MGAT4C: variants seen among roughly 807,000 people sequenced by gnomAD.
MGAT4C encodes the protein alpha-1,3-mannosyl-glycoprotein 4-beta-N-acetylglucosaminyltransferase C.
In MGAT4C, 19 loss-of-function variants were observed where a neutral mutation model predicts 40.1. The ratio of observed to expected loss-of-function variants is 0.47; its 90% confidence interval spans 0.33 to 0.70. The LOEUF (loss-of-function observed/expected upper bound fraction) is 0.70, where lower values mean the gene tolerates loss of function less well. Among genes scored for constraint, MGAT4C ranks in the 30% least tolerant of loss-of-function variants. The pLI, the probability that MGAT4C is intolerant of heterozygous loss-of-function variation, is 0.02. For missense variants in MGAT4C, 491 were observed against 563.2 expected (o/e 0.87, Z 1.30); for synonymous variants, 181 against 187.1 (o/e 0.97, Z 0.27).
At chr12:86,269,834 A>T (rs914454778) in intron 4 of MGAT4C, among the ~76,000 whole-genome samples, 1 of 152,136 alleles carries the variant, frequency 6.6e-6, no homozygotes, top group Non-Finnish European at 1.5e-5. Flanking sequence ...CTGGTTCCCA[A>T]TCTCCTTGAA....
chr12:86,338,324 T>C lies in MGAT4C; in HGVS notation c.-119-4197A>G, dbSNP rs572336355. On this transcript the variant is annotated intron_variant, in intron 3 of 7. Transcript: ENST00000548651. ...AGATGAGCCAGTTTATCAATCTGGG[T>C]GGTTCCAGCTGATACATCAAGTGCA... Among the ~76,000 whole-genome samples the C allele has an allele frequency of 2.6e-5, 4 of 152,160 alleles. No individual in the cohort carries two copies. In the East Asian group the frequency reaches 7.8e-4, roughly 30 times the overall value.
chr12:86,376,218 CAAAAAAAAA>C (rs1166300466), intron 3 of MGAT4C, among the ~76,000 whole-genome samples: 1 of 50,760 alleles, frequency 2.0e-5, no homozygotes, highest in Non-Finnish European at 3.9e-5. Flanking sequence ...TAACACATGT[CAAAAAAAAA>C]AAAAAAAAAA....
intron 3 of MGAT4C, among the ~76,000 whole-genome samples, chr12:86,351,257 G>C (rs1249886049): frequency 1.3e-5 from 2 of 151,792 alleles, no homozygotes; most frequent in Non-Finnish European, 2.9e-5. Flanking sequence ...AAGACATTTT[G>C]TTTAATAATG....
At chr12:86,408,528 GT>G (rs1565740586) in intron 3 of MGAT4C, among the ~76,000 whole-genome samples, 1 of 112,482 alleles carries the variant, frequency 8.9e-6, no homozygotes, top group African/African-American at 3.5e-5. Context: ...TGCATATTGG[GT>G]ACTTTTTAAC....
At chr12:86,430,716 T>C (rs1957020235) in intron 3 of MGAT4C, among the ~76,000 whole-genome samples, 1 of 152,042 alleles carries the variant, frequency 6.6e-6, no homozygotes, top group Admixed American at 6.6e-5. Flanking sequence ...TTAGGTGGAG[T>C]CATTACTCTG....
chr12:86,514,602 C>T (rs1958651505), intron 2 of MGAT4C, among the ~76,000 whole-genome samples: 1 of 152,206 alleles, frequency 6.6e-6, no homozygotes, highest in African/African-American at 2.4e-5. Context: ...CTAAATCTCT[C>T]TGACTCTCTA....
At chr12:86,125,979 T>C (rs1880183990) in intron 1 of MGAT4C, among the ~76,000 whole-genome samples, 1 of 151,546 alleles carries the variant, frequency 6.6e-6, no homozygotes, top group Non-Finnish European at 1.5e-5. Context: ...GAAAATCAAG[T>C]TAAAAATCAG....
rs1259194515 is a variant in MGAT4C, at chr12:85,970,710, T to C, written c.*8579A>G. On this transcript the variant is annotated 3_prime_UTR_variant, in exon 5 of 5. Coordinates refer to ENST00000611864, the MANE Select transcript of MGAT4C (RefSeq NM_001351288.2). ...TGCTTGTACAATTCAGATATTATTT[T>C]GCTTTGAAGTCAAATAGAGGAACCT... 1 of 151,330 alleles carries C rather than the reference T, an allele frequency of 6.6e-6. No individual in the cohort carries two copies. The highest frequency in any genetic ancestry group is 1.5e-5 in the Non-Finnish European group (1 of 67,386). 9.4% of individuals were successfully genotyped at this position (151,330 alleles called of 1,614,324 possible). A position where few individuals can be genotyped will look rare whatever the true frequency, so the allele number is the denominator to read the frequency against.
At position 86,554,125 on chromosome 12, in the gene MGAT4C, CACAT is replaced by C. The variant is rs1247361120; in HGVS notation, c.-228-118864_-228-118861del. Among the ~76,000 whole-genome samples the C allele has an allele frequency of 3.8e-4, 15 of 39,608 alleles. No individual in the cohort carries two copies. The East Asian group carries it at 3.8e-3, about 10-fold the overall frequency. 26.0% of individuals were successfully genotyped at this position (39,608 alleles called of 152,430 possible). On this transcript the variant is annotated intron_variant, in intron 2 of 7. Coordinates refer to the MGAT4C transcript ENST00000548651. ...AAAACACACAGCACGTAAACACATA[CACAT>C]ACATACACACACACACACACACACA...
At chr12:86,596,260 T>G (rs947138594) in intron 2 of MGAT4C, among the ~76,000 whole-genome samples, 2 of 152,186 alleles carry the variant, frequency 1.3e-5, no homozygotes, top group African/African-American at 4.8e-5. Flanking sequence ...TCATGAATGT[T>G]GACACCAGTA....
intron 2 of MGAT4C, among the ~76,000 whole-genome samples, chr12:86,489,369 C>T (rs773379634): frequency 2.4e-4 from 36 of 152,130 alleles, no homozygotes; most frequent in Non-Finnish European, 3.4e-4. Context: ...TCTGGACATG[C>T]GACCTCTGAG....
chr12:85,966,934 T>A lies in MGAT4C; in HGVS notation c.*12355A>T, dbSNP rs1183259843. 6.6e-6 allele frequency: 1 copy of A among 151,644 alleles called. No homozygotes were observed. The highest frequency in any genetic ancestry group is 2.1e-4 in the South Asian group (1 of 4,788). 9.4% of individuals were successfully genotyped at this position (151,644 alleles called of 1,614,324 possible). A position where few individuals can be genotyped will look rare whatever the true frequency, so the allele number is the denominator to read the frequency against. ...GGGGGAGGGATAGCATTAGGAGATA[T>A]ACCTAATGTTAAATGACGAGTTAAT... On this transcript the variant is annotated 3_prime_UTR_variant, in exon 5 of 5. Coordinates refer to ENST00000611864, the MANE Select transcript of MGAT4C (RefSeq NM_001351288.2).
chr12:86,377,422 G>A (rs947114156), intron 3 of MGAT4C, among the ~76,000 whole-genome samples: 3 of 152,064 alleles, frequency 2.0e-5, no homozygotes, highest in Non-Finnish European at 4.4e-5. Flanking sequence ...AAATGAAATG[G>A]TAATCAACAG....
chr12:86,166,637 A>G (rs1886225883), intron 1 of MGAT4C, among the ~76,000 whole-genome samples: 1 of 152,088 alleles, frequency 6.6e-6, no homozygotes, highest in Non-Finnish European at 1.5e-5. Context: ...GTGTCACCAC[A>G]CTCTAGCCTG....
chr12:86,043,235 T>C (rs548357345), intron 2 of MGAT4C, among the ~76,000 whole-genome samples: 51 of 152,340 alleles, frequency 3.3e-4, no homozygotes, highest in African/African-American at 1.1e-3. Flanking sequence ...TAAGGAGTTT[T>C]GACTTAACAC....
Position 86,129,801 on chromosome 12 carries a change from C to T in MGAT4C, c.-56-80078G>A, listed in dbSNP as rs1310415544. Among the ~76,000 whole-genome samples, 2 of 13,236 alleles carry T rather than the reference C, an allele frequency of 1.5e-4. 1 individual carries two copies. Among genetic ancestry groups the T allele is most frequent in the Non-Finnish European group, 2.2e-4 (2 of 9,062 alleles). The allele number at this position is 13,236 out of a possible 152,430, so 8.7% of individuals were successfully genotyped here. ...GTCTCGATCTCCTGACCTCGTGATCCGCCCGCCTCGGCCTCCCAAAGTGCT... is the reference window on the plus strand; with the variant it reads ...GTCTCGATCTCCTGACCTCGTGATCTGCCCGCCTCGGCCTCCCAAAGTGCT... On this transcript the variant is annotated intron_variant, in intron 1 of 4. Transcript: ENST00000611864.
intron 1 of MGAT4C, among the ~76,000 whole-genome samples, chr12:86,750,999 A>G (rs770548744): frequency 6.6e-6 from 1 of 151,988 alleles, no homozygotes; most frequent in Non-Finnish European, 1.5e-5. Context: ...AGTTACCTCA[A>G]TAGCTCATAC....
chr12:86,837,413 T>C (rs1036712949), intron 1 of MGAT4C, among the ~76,000 whole-genome samples: 3 of 152,142 alleles, frequency 2.0e-5, no homozygotes, highest in African/African-American at 4.8e-5. Flanking sequence ...TTTGTTCTAA[T>C]AGTCTTTCAA....
At chr12:86,620,437 A>G (rs1455018299) in intron 2 of MGAT4C, among the ~76,000 whole-genome samples, 1 of 152,194 alleles carries the variant, frequency 6.6e-6, no homozygotes, top group East Asian at 1.9e-4. Context: ...ATTGGAGGCC[A>G]TTATCTTATA....
Sources: gnomAD v4.1 joint callset for allele counts (sites outside exome capture counted in the v4.1 genomes callset) on GRCh38, gnomAD v4.1.1 for gene constraint, MANE v1.5 for transcripts, NCBI Gene and HGNC (gene_info 2026-07-23, HGNC 2026-07-21) for gene names.